Variants in PCDHA8 observed in about 807,000 individuals in gnomAD.
PCDHA8 encodes protocadherin alpha-8.
In PCDHA8, 53 loss-of-function variants were observed where a neutral mutation model predicts 61.8. The ratio of observed to expected loss-of-function variants is 0.86; its 90% confidence interval spans 0.69 to 1.08. The LOEUF (loss-of-function observed/expected upper bound fraction) is 1.08. Ranked by LOEUF, PCDHA8 falls within the 50% of genes least tolerant of loss-of-function variation. The pLI is 0.00. For missense variants in PCDHA8, 1,293 were observed against 1,245.0 expected (o/e 1.04, Z -0.58); for synonymous variants, 618 against 556.6 (o/e 1.11, Z -1.55).
At position 140,843,088 on chromosome 5, in the gene PCDHA8, C is replaced by A. The variant is rs1554139726; in HGVS notation, c.1767C>A (p.His589Gln). ...TGCCGCGGTCTGTGGGCGCGGGCCA[C>A]GTGGTAGCGAAGGTGCGCGCAGTGG... ...KLVPRSVGAG[H>Q]VVAKVRAVDA... The change falls in exon 1 of 4, where the codon CAC (histidine) becomes CAA (glutamine). Residue 589 changes from histidine (H) to glutamine (Q), a missense_variant. Transcript: ENST00000531613. 4 of 1,595,530 alleles carry A rather than the reference C, an allele frequency of 2.5e-6. No individual in the cohort carries two copies. Among genetic ancestry groups the A allele is most frequent in the African/African-American group, 1.3e-5 (1 of 74,528 alleles).
intron 1 of PCDHA8, chr5:140,855,849 C>T: frequency 7.5e-6 from 5 of 665,166 alleles, no homozygotes; most frequent in Non-Finnish European, 1.2e-5. Flanking sequence ...CCTAAAGCCA[C>T]CGGATGTCGC....
At position 140,851,351 on chromosome 5, in the gene PCDHA8, G is replaced by A. The variant is rs2042034892; in HGVS notation, c.2394+7636G>A. ...GTAGTTCTCTACATTTCTCTGGATG[G>A]AGACTGTGAACATCTGATTGTTCAG... is the stretch of plus-strand genomic sequence containing the variant. On this transcript the variant is annotated intron_variant, in intron 1 of 3. Coordinates refer to ENST00000531613, the MANE Select transcript of PCDHA8 (RefSeq NM_018911.3). The A allele has an allele frequency of 7.2e-6, 7 of 975,904 alleles. 1 individual carries two copies. Among genetic ancestry groups the A allele is most frequent in the Non-Finnish European group, 8.7e-6 (7 of 803,048 alleles). The allele number at this position is 975,904 out of a possible 1,614,324, so 60.5% of individuals were successfully genotyped here. A position where few individuals can be genotyped will look rare whatever the true frequency, so the allele number is the denominator to read the frequency against.
chr5:140,928,694 C>T, intron 1 of PCDHA8: 1 of 1,614,166 alleles, frequency 6.2e-7, no homozygotes, highest in South Asian at 1.1e-5. Flanking sequence ...TACCACATCT[C>T]CCGGGCGTCT....
At position 140,848,972 on chromosome 5, in the gene PCDHA8, T is replaced by C. The variant is rs17844324; in HGVS notation, c.2394+5257T>C. ...GGTTTCCACTAGAGGGCGCGTCCGA[T>C]GCAGATATCGGGGAGAACGCCCTGC... On this transcript the variant is annotated intron_variant, in intron 1 of 3. Coordinates refer to ENST00000531613, the MANE Select transcript of PCDHA8 (RefSeq NM_018911.3). The C allele has an allele frequency of 2.8e-5, 45 of 1,601,076 alleles. 3 individuals are homozygous for C. In the East Asian group the frequency reaches 9.8e-4, roughly 35 times the overall value.
intron 1 of PCDHA8, among the ~76,000 whole-genome samples, chr5:140,972,402 G>A (rs1554234110): frequency 6.6e-6 from 1 of 151,784 alleles, no homozygotes; most frequent in Non-Finnish European, 1.5e-5. Context: ...TTCACTATTG[G>A]CAAACCCTGT....
intron 3 of PCDHA8, among the ~76,000 whole-genome samples, chr5:141,001,534 G>A (rs2098024616): frequency 6.6e-6 from 1 of 152,180 alleles, no homozygotes; most frequent in African/African-American, 2.4e-5. Flanking sequence ...CTCTGATCCT[G>A]GACAGGATTT....
rs1041971288 is a variant in PCDHA8, at chr5:140,912,300, A to G, written c.2395-66649A>G. ...CCAGGAACAATACTTTGCCTCCTGT[A>G]ATCCAGTCAAGTTGACCCTCAGTAT... On this transcript the variant is annotated intron_variant, in intron 1 of 3. Coordinates refer to ENST00000531613, the MANE Select transcript of PCDHA8 (RefSeq NM_018911.3). Among the ~76,000 whole-genome samples, 5 of 152,070 alleles carry G rather than the reference A, an allele frequency of 3.3e-5. No homozygotes were observed. The East Asian group carries it at 9.7e-4, about 29-fold the overall frequency.
chr5:140,853,583 T>C lies in PCDHA8; in HGVS notation c.2394+9868T>C, dbSNP rs1298599428. Reference sequence around the variant, plus strand: ...AAAACTAAGTTGTCACCCAATATCTTAGACACTTTGAGAGCAAAGGGGGTG... The same window carrying C: ...AAAACTAAGTTGTCACCCAATATCTCAGACACTTTGAGAGCAAAGGGGGTG... On this transcript the variant is annotated intron_variant, in intron 1 of 3. Transcript: ENST00000531613. 16 of 985,202 alleles carry C rather than the reference T, an allele frequency of 1.6e-5. 2 individuals carry two copies. The highest frequency in any genetic ancestry group is 1.8e-5 in the Non-Finnish European group (15 of 817,512). The allele number at this position is 985,202 out of a possible 1,614,324, so 61.0% of individuals were successfully genotyped here. A position where few individuals can be genotyped will look rare whatever the true frequency, so the allele number is the denominator to read the frequency against.
At chr5:140,920,718 C>A (rs183020461) in intron 1 of PCDHA8, among the ~76,000 whole-genome samples, 3 of 152,168 alleles carry the variant, frequency 2.0e-5, no homozygotes, top group East Asian at 3.9e-4. Context: ...GTGGTGTGCG[C>A]CTGCAGTCCC....
At chr5:141,007,839 A>C (rs782046722) in intron 3 of PCDHA8, among the ~76,000 whole-genome samples, 2 of 152,226 alleles carry the variant, frequency 1.3e-5, no homozygotes, top group Non-Finnish European at 2.9e-5. Context: ...TACCCATTAG[A>C]GACTCAAAGT....
intron 1 of PCDHA8, chr5:140,877,544 C>A (rs782624202): frequency 6.2e-7 from 1 of 1,613,676 alleles, no homozygotes; most frequent in African/African-American, 1.3e-5. Context: ...GATCCCGAAG[C>A]GGCTCTGGTG....
chr5:140,876,094 C>T lies in PCDHA8; in HGVS notation c.2394+32379C>T, dbSNP rs782479233. 13 of 1,613,808 alleles carry T rather than the reference C, an allele frequency of 8.1e-6. No homozygotes were observed. In the Admixed American group the frequency reaches 1.5e-4, roughly 19 times the overall value. On this transcript the variant is annotated intron_variant, in intron 1 of 3. Transcript: ENST00000531613. ...ATTGGACAGAGAGCAAACGCCAAAA[C>T]TCAATTTATTGCTGATGGTAATCGA...
rs199990641 is a variant in PCDHA8, at chr5:140,966,961, G to C, written c.2395-11988G>C. On this transcript the variant is annotated intron_variant, in intron 1 of 3. Coordinates refer to ENST00000531613, the MANE Select transcript of PCDHA8 (RefSeq NM_018911.3). ...TCGTGGGCAACGTGGCTCGCGCGCT[G>C]GGGCTTGAGCTGCGGCGCTTGGGGC... The C allele has an allele frequency of 8.7e-6, 14 of 1,603,190 alleles. No individual in the cohort carries two copies. The East Asian group carries it at 2.7e-4, about 31-fold the overall frequency.
intron 3 of PCDHA8, among the ~76,000 whole-genome samples, chr5:141,000,961 C>A (rs1207814885): frequency 6.6e-6 from 1 of 151,948 alleles, no homozygotes; most frequent in Non-Finnish European, 1.5e-5. Flanking sequence ...GTAATTTAAG[C>A]CTTCATATTC....
intron 1 of PCDHA8, among the ~76,000 whole-genome samples, chr5:140,899,462 T>C (rs2067338282): frequency 6.6e-6 from 1 of 152,366 alleles, no homozygotes; most frequent in Admixed American, 6.5e-5. Context: ...GTGGTTTTTG[T>C]CTTTGGTTCT....
At chr5:140,946,660 A>T (rs2094005518) in intron 1 of PCDHA8, among the ~76,000 whole-genome samples, 1 of 146,900 alleles carries the variant, frequency 6.8e-6, no homozygotes, top group African/African-American at 2.6e-5. Context: ...GCCATTAGAA[A>T]GAATGAAATC....
intron 1 of PCDHA8, chr5:140,967,227 A>G (rs1586199202): frequency 1.2e-6 from 2 of 1,613,742 alleles, no homozygotes; most frequent in Admixed American, 1.7e-5. Flanking sequence ...CCCAACTACC[A>G]GCTTCAGGTA....
At chr5:140,985,317 A>C (rs1457089100) in intron 3 of PCDHA8, among the ~76,000 whole-genome samples, 1 of 152,134 alleles carries the variant, frequency 6.6e-6, no homozygotes, top group Non-Finnish European at 1.5e-5. Flanking sequence ...TGGTGGCCAG[A>C]ATTCAGTAGT....
intron 1 of PCDHA8, among the ~76,000 whole-genome samples, chr5:140,922,238 T>C (rs1554200737): frequency 6.6e-6 from 1 of 152,210 alleles, no homozygotes; most frequent in East Asian, 1.9e-4. Context: ...CCATGATGTG[T>C]ATGAAGATAA....
Sources: allele counts gnomAD v4.1 joint callset (sites outside exome capture counted in the v4.1 genomes callset), GRCh38; gene constraint gnomAD v4.1.1; transcripts MANE v1.5; gene names NCBI Gene and HGNC (gene_info 2026-07-23, HGNC 2026-07-21).